The following TOM1L2 variants were observed in gnomAD, a reference collection of about 807,000 sequenced individuals.
The protein encoded by TOM1L2 is TOM1-like protein 2.
Under a neutral mutation model 67.9 loss-of-function variants are expected in TOM1L2, and 31 were observed. That is an observed-to-expected ratio of 0.46 (90% confidence interval 0.34 to 0.62). TOM1L2 has a LOEUF of 0.62. Ranked by LOEUF, TOM1L2 falls within the 20% of genes least tolerant of loss-of-function variation. The pLI is 0.01. For missense variants in TOM1L2, 606 were observed against 663.5 expected, an observed-to-expected ratio of 0.91 and a Z score of 0.95; for synonymous variants, 256 against 254.0, an observed-to-expected ratio of 1.01 and a Z score of -0.07.
chr17:17,905,800 C>T (rs1367243029), intron 2 of TOM1L2, among the ~76,000 whole-genome samples: 1 of 152,152 alleles, frequency 6.6e-6, no homozygotes, highest in Non-Finnish European at 1.5e-5. Flanking sequence ...AGTGGGACCA[C>T]ACCACTCCTC....
At chr17:17,945,257 C>T (rs2040892244) in intron 1 of TOM1L2, among the ~76,000 whole-genome samples, 1 of 150,438 alleles carries the variant, frequency 6.6e-6, no homozygotes, top group South Asian at 2.1e-4. Context: ...TGTTTCACCA[C>T]ACACACACAT....
At position 17,856,863 on chromosome 17, in the gene TOM1L2, G is replaced by T. The variant is rs186795198; in HGVS notation, c.1278+4613C>A. The stretch of plus-strand genomic sequence containing the variant: ...CAGGAGAGACCCTTGCAGGTCTGTG[G>T]GCCAGGAAAGCTCTGCTACATGAGA... On this transcript the variant is annotated intron_variant, in intron 12 of 14. Transcript: ENST00000379504. 2.6e-5 allele frequency among the ~76,000 whole-genome samples: 4 copies of T among 152,318 alleles called. No individual in the cohort carries two copies. The East Asian group carries it at 7.7e-4, about 29-fold the overall frequency.
At chr17:17,911,095 A>G (rs2039328043) in intron 1 of TOM1L2, among the ~76,000 whole-genome samples, 1 of 152,204 alleles carries the variant, frequency 6.6e-6, no homozygotes, top group Non-Finnish European at 1.5e-5. Context: ...CTTAGGTTTC[A>G]GAGAACATAG....
intron 1 of TOM1L2, among the ~76,000 whole-genome samples, chr17:17,912,181 G>C (rs1425118383): frequency 1.3e-5 from 2 of 152,248 alleles, no homozygotes; most frequent in African/African-American, 4.8e-5. Context: ...ACACCTCCCA[G>C]ACGGGGTGGT....
chr17:17,894,041 T>A lies in TOM1L2; in HGVS notation c.217-231A>T, dbSNP rs548814185. ...GAAGTCTCCTGTCCCTGCACAATAA[T>A]CAGGCAATTAGTTGGTAATTGAGGC... On this transcript the variant is annotated intron_variant, in intron 3 of 14. Coordinates refer to ENST00000379504, the MANE Select transcript of TOM1L2 (RefSeq NM_001082968.2). Among the ~76,000 whole-genome samples the A allele has an allele frequency of 1.7e-4, 26 of 152,310 alleles. No individual in the cohort carries two copies. The South Asian group carries it at 5.4e-3, about 32-fold the overall frequency.
chr17:17,894,697 G>A (rs1457546190), intron 3 of TOM1L2, among the ~76,000 whole-genome samples: 4 of 152,216 alleles, frequency 2.6e-5, no homozygotes, highest in Non-Finnish European at 5.9e-5. Flanking sequence ...TTGGGAGGCC[G>A]AGGCAGGTGG....
chr17:17,917,177 A>T (rs1035717363), intron 1 of TOM1L2, among the ~76,000 whole-genome samples: 7 of 151,344 alleles, frequency 4.6e-5, no homozygotes, highest in South Asian at 2.1e-4. Flanking sequence ...TAAAAAATTT[A>T]AAAAATTAGC....
chr17:17,962,240 G>T (rs561899958), intron 1 of TOM1L2, among the ~76,000 whole-genome samples: 2 of 152,020 alleles, frequency 1.3e-5, no homozygotes, highest in South Asian at 4.1e-4. Flanking sequence ...GCCAGGGGCT[G>T]GGGGGAGGAG....
intron 12 of TOM1L2, among the ~76,000 whole-genome samples, chr17:17,854,864 G>T (rs1032988077): frequency 6.6e-6 from 1 of 152,068 alleles, no homozygotes; most frequent in Admixed American, 6.6e-5. Context: ...ATTTTCTTGG[G>T]CAATGATCCA....
chr17:17,873,279 A>G (rs892236640), intron 7 of TOM1L2, among the ~76,000 whole-genome samples: 6 of 152,220 alleles, frequency 3.9e-5, no homozygotes, highest in Admixed American at 2.6e-4. Context: ...AGATTGTACC[A>G]TTAACATTTT....
chr17:17,938,643 G>A (rs937794072), intron 1 of TOM1L2, among the ~76,000 whole-genome samples: 6 of 152,040 alleles, frequency 3.9e-5, no homozygotes, highest in Non-Finnish European at 7.4e-5. Context: ...AATGCACAGG[G>A]ACGCAACCCA....
intron 1 of TOM1L2, among the ~76,000 whole-genome samples, chr17:17,965,686 T>G (rs2145062481): frequency 6.6e-6 from 1 of 152,340 alleles, no homozygotes; most frequent in South Asian, 2.1e-4. Flanking sequence ...TCTCATTGTC[T>G]TAATGTCCCC....
At position 17,845,217 on chromosome 17, in the gene TOM1L2, G is replaced by A. The variant is rs2035579939; in HGVS notation, c.*2418C>T. On this transcript the variant is annotated 3_prime_UTR_variant, in exon 15 of 15. Transcript: ENST00000379504. ...GGTGCAAGCAGGCCACCTGAGGGGT[G>A]GCTCCAGGCTAGGAAGGCAGGTGAC... 1 of 152,276 alleles carries A rather than the reference G, an allele frequency of 6.6e-6. No homozygotes were observed. The highest frequency in any genetic ancestry group is 2.4e-5 in the African/African-American group (1 of 41,474). The allele number at this position is 152,276 out of a possible 1,614,324, so 9.4% of individuals were successfully genotyped here.
At position 17,850,940 on chromosome 17, in the gene TOM1L2, G is replaced by A. The variant is rs2035938135; in HGVS notation, c.1291C>T (p.Gln431Ter). The A allele has an allele frequency of 1.2e-6, 2 of 1,613,964 alleles. No individual in the cohort carries two copies. Among genetic ancestry groups the A allele is most frequent in the Non-Finnish European group, 1.7e-6 (2 of 1,180,022 alleles). ...TCAATGTCGTCCATGACAGATGGCTGCGCAACGGGGATCTATGGAGGCGGC... is the reference window on the plus strand; with the variant it reads ...TCAATGTCGTCCATGACAGATGGCTACGCAACGGGGATCTATGGAGGCGGC... ...KQSSEGIPVAQPSVMDDIEVW... is the reference protein window; with the variant it reads ...KQSSEGIPVA Residue 431 changes from glutamine to a stop codon, truncating the protein, a stop_gained, in exon 13 of 15, where the codon CAG becomes TAG. Coordinates refer to ENST00000379504, the MANE Select transcript of TOM1L2 (RefSeq NM_001082968.2). LOFTEE classifies it high-confidence loss of function.
At chr17:17,970,766 C>G (rs1174127706) in intron 1 of TOM1L2, among the ~76,000 whole-genome samples, 1 of 151,468 alleles carries the variant, frequency 6.6e-6, no homozygotes, top group Non-Finnish European at 1.5e-5. Context: ...CCACTAAAGG[C>G]TGGAAAGTAA....
At chr17:17,942,901 A>G (rs1406496758) in intron 1 of TOM1L2, among the ~76,000 whole-genome samples, 1 of 152,184 alleles carries the variant, frequency 6.6e-6, no homozygotes, top group African/African-American at 2.4e-5. Context: ...AGACATGAAG[A>G]CTGTTAGAAG....
intron 2 of TOM1L2, among the ~76,000 whole-genome samples, chr17:17,906,925 T>C (rs2144407549): frequency 6.6e-6 from 1 of 152,144 alleles, no homozygotes; most frequent in Non-Finnish European, 1.5e-5. Context: ...ATTCAGGAAA[T>C]AACAACAGGA....
intron 2 of TOM1L2, among the ~76,000 whole-genome samples, chr17:17,902,311 A>T (rs1011164056): frequency 6.6e-6 from 1 of 152,226 alleles, no homozygotes; most frequent in Non-Finnish European, 1.5e-5. Context: ...AGCTCTGGAC[A>T]TTAGGGAAAG....
intron 2 of TOM1L2, among the ~76,000 whole-genome samples, chr17:17,904,441 G>A (rs141225500): frequency 6.6e-6 from 1 of 152,264 alleles, no homozygotes; most frequent in African/African-American, 2.4e-5. Flanking sequence ...TTCAAGCTGG[G>A]CCCAGGAATA....
Sources: allele counts gnomAD v4.1 joint callset (sites outside exome capture counted in the v4.1 genomes callset), GRCh38; gene constraint gnomAD v4.1.1; transcripts MANE v1.5; gene names NCBI Gene and HGNC (gene_info 2026-07-23, HGNC 2026-07-21).